Variants in REC114 observed in about 807,000 individuals in gnomAD.
The protein encoded by REC114 is REC114 meiotic recombination protein, also known as meiotic recombination protein REC114.
In REC114, 27 loss-of-function variants were observed where a neutral mutation model predicts 31.3. That is an observed-to-expected ratio of 0.86 (90% CI 0.64 to 1.19). The LOEUF (loss-of-function observed/expected upper bound fraction) is 1.19. REC114 is among the 50% of genes most tolerant of loss of function. The pLI is 0.00. For missense variants in REC114, 344 were observed against 326.9 expected (o/e 1.05, Z -0.40); for synonymous variants, 134 against 127.7 (o/e 1.05, Z -0.33).
At position 73,550,949 on chromosome 15, in the gene REC114, C is replaced by T. The variant is rs202164181; in HGVS notation, c.345C>T (p.Arg115=). ...GATTTGTCAAACAGGACAAGAGTCG[C>T]CTGTTTCGAGTACAGTTCAGTGGAG... The part of the protein sequence containing the change: ...LFGTTIKDKS[R]LFRVQFSGES... The change falls in exon 4 of 6, where the codon CGC becomes CGT. Residue 115 remains arginine (R), a synonymous_variant. Coordinates refer to ENST00000331090, the MANE Select transcript of REC114 (RefSeq NM_001042367.2). The T allele has an allele frequency of 2.8e-5, 45 of 1,613,786 alleles. No homozygotes were observed. The East Asian group carries it at 1.0e-3, about 36-fold the overall frequency.
At chr15:73,546,699 GT>G (rs1894313617) in intron 3 of REC114, among the ~76,000 whole-genome samples, 1 of 151,640 alleles carries the variant, frequency 6.6e-6, no homozygotes, top group Non-Finnish European at 1.5e-5. Flanking sequence ...TCAATAAAGA[GT>G]TCTGGGAAAT....
intron 1 of REC114, among the ~76,000 whole-genome samples, chr15:73,450,477 T>C (rs909664432): frequency 6.6e-6 from 1 of 152,188 alleles, no homozygotes; most frequent in Non-Finnish European, 1.5e-5. Context: ...GCACCCAGAT[T>C]CATAAAGCAA....
At chr15:73,493,841 A>G (rs1039691512) in intron 2 of REC114, among the ~76,000 whole-genome samples, 1 of 152,076 alleles carries the variant, frequency 6.6e-6, no homozygotes, top group Non-Finnish European at 1.5e-5. Context: ...TTCTCACACA[A>G]ATTTTTTATT....
At chr15:73,537,417 G>A (rs77376541) in intron 2 of REC114, among the ~76,000 whole-genome samples, 104 of 152,298 alleles carry the variant, frequency 6.8e-4, no homozygotes, top group African/African-American at 2.3e-3. Flanking sequence ...CTGTTGAGGA[G>A]GAAGGGCACA....
chr15:73,540,443 ATTTTTG>A (rs1274027596), intron 2 of REC114, 36 bp from the exon 3 acceptor site: 1 of 1,379,968 alleles, frequency 7.2e-7, no homozygotes, highest in Non-Finnish European at 1.0e-6. Context: ...TATTCTTCAT[ATTTTTG>A]TTTCTGTTGC....
At chr15:73,471,927 G>T (rs1893138700) in intron 1 of REC114, among the ~76,000 whole-genome samples, 1 of 152,116 alleles carries the variant, frequency 6.6e-6, no homozygotes, top group South Asian at 2.1e-4. Flanking sequence ...AAAGTATAGT[G>T]TTAGAAGTCA....
chr15:73,507,068 GT>G (rs1237390425), intron 2 of REC114, among the ~76,000 whole-genome samples: 1 of 151,852 alleles, frequency 6.6e-6, no homozygotes, highest in Non-Finnish European at 1.5e-5. Context: ...ATACCATAAA[GT>G]TTTAAAAAAA....
intron 2 of REC114, among the ~76,000 whole-genome samples, chr15:73,496,429 C>T (rs367954275): frequency 3.3e-4 from 49 of 149,644 alleles, no homozygotes; most frequent in African/African-American, 1.0e-3. Flanking sequence ...GAGGCCAAGG[C>T]GGGCATATCA....
chr15:73,500,053 C>T lies in REC114; in HGVS notation c.249+26132C>T, dbSNP rs553887111. Among the ~76,000 whole-genome samples, 7 of 152,098 alleles carry T rather than the reference C, an allele frequency of 4.6e-5. No homozygotes were observed. The South Asian group carries it at 1.0e-3, about 23-fold the overall frequency. On this transcript the variant is annotated intron_variant, in intron 2 of 5. Coordinates refer to ENST00000331090, the MANE Select transcript of REC114 (RefSeq NM_001042367.2). ...CCATGATTTTTTTTTCCAACTCAGT[C>T]TTCACTGGAGTCCTCCATGACCTCT...
chr15:73,559,780 A>G lies in REC114; in HGVS notation c.665A>G (p.His222Arg). The change falls in exon 6 of 6, where the codon CAT becomes CGT. Residue 222 changes from histidine (H) to arginine (R), a missense_variant. Coordinates refer to ENST00000331090, the MANE Select transcript of REC114 (RefSeq NM_001042367.2). ...CTTCTGGCATCGGAGGAGCTGCCCC[A>G]TGTCTATGAACAATCTGCATGGGGT... ...QTLLASEELPHVYEQSAWGAE... is the reference protein window; with the variant it reads ...QTLLASEELPRVYEQSAWGAE... 6.3e-7 allele frequency: 1 copy of G among 1,599,760 alleles called. No individual in the cohort carries two copies. Among genetic ancestry groups the G allele is most frequent in the Non-Finnish European group, 8.5e-7 (1 of 1,175,394 alleles).
At chr15:73,491,162 A>G (rs1041691623) in intron 2 of REC114, among the ~76,000 whole-genome samples, 1 of 71,012 alleles carries the variant, frequency 1.4e-5, no homozygotes, top group African/African-American at 4.9e-5. Context: ...ACATTTATAT[A>G]TAAGTCTTTG....
At chr15:73,460,136 T>G (rs940637986) in intron 1 of REC114, among the ~76,000 whole-genome samples, 2 of 152,244 alleles carry the variant, frequency 1.3e-5, no homozygotes, top group Non-Finnish European at 2.9e-5. Flanking sequence ...GTCTTTGTTC[T>G]CTTTCTTCAG....
intron 2 of REC114, among the ~76,000 whole-genome samples, chr15:73,507,967 C>T (rs533127172): frequency 1.6e-4 from 25 of 152,250 alleles, no homozygotes; most frequent in East Asian, 5.8e-4. Flanking sequence ...TCTGTATAAA[C>T]GAGGTGGATG....
Position 73,539,282 on chromosome 15 carries a change from A to ATTTTTTTTTTTTT in REC114, c.250-1189_250-1177dup, listed in dbSNP as rs753968018. ...GCTTAGAGGTAGCATTTCAGAACTG[A>ATTTTTTTTTTTTT]TTTTTTTTTTTTTTTTTTTTTTTTT... On this transcript the variant is annotated intron_variant, in intron 2 of 5. Coordinates refer to ENST00000331090, the MANE Select transcript of REC114 (RefSeq NM_001042367.2). Among the ~76,000 whole-genome samples, 39 of 70,820 alleles carry ATTTTTTTTTTTTT rather than the reference A, an allele frequency of 5.5e-4. 8 individuals carry two copies. Among genetic ancestry groups the ATTTTTTTTTTTTT allele is most frequent in the African/African-American group, 2.1e-3 (32 of 15,134 alleles). 46.5% of individuals were successfully genotyped at this position (70,820 alleles called of 152,430 possible).
intron 1 of REC114, among the ~76,000 whole-genome samples, chr15:73,446,004 C>G (rs577666257): frequency 6.6e-6 from 1 of 152,124 alleles, no homozygotes; most frequent in Non-Finnish European, 1.5e-5. Context: ...AATGTAATAT[C>G]TGTGAAGTGC....
intron 2 of REC114, among the ~76,000 whole-genome samples, chr15:73,526,421 T>C (rs1894009033): frequency 6.6e-6 from 1 of 152,118 alleles, no homozygotes. Context: ...TAATTCAGTG[T>C]TTTTTTAGGA....
At chr15:73,450,056 C>T (rs1416679238) in intron 1 of REC114, among the ~76,000 whole-genome samples, 1 of 152,156 alleles carries the variant, frequency 6.6e-6, no homozygotes. Context: ...TAAAGACCAT[C>T]GATGCTATGA....
intron 1 of REC114, among the ~76,000 whole-genome samples, chr15:73,460,661 A>G (rs1382757122): frequency 1.3e-5 from 2 of 151,710 alleles, no homozygotes; most frequent in Admixed American, 1.3e-4. Context: ...GATAATGGGA[A>G]GTACCACTTT....
chr15:73,532,133 C>G (rs1401056085), intron 2 of REC114, among the ~76,000 whole-genome samples: 3 of 151,592 alleles, frequency 2.0e-5, no homozygotes, highest in Non-Finnish European at 2.9e-5. Context: ...ATCCCTCCCC[C>G]CTCGCCCCAC....
Sources: gnomAD v4.1 joint callset for allele counts (sites outside exome capture counted in the v4.1 genomes callset) on GRCh38, gnomAD v4.1.1 for gene constraint, MANE v1.5 for transcripts, NCBI Gene and HGNC (gene_info 2026-07-23, HGNC 2026-07-21) for gene names.